The following VAC14 variants were observed in gnomAD, a reference collection of about 807,000 sequenced individuals.
VAC14 encodes the protein protein VAC14 homolog.
In VAC14, 47 loss-of-function variants were observed where a neutral mutation model predicts 85.3. The observed-to-expected ratio is 0.55, with a 90% CI of 0.44 to 0.70. VAC14 has a LOEUF of 0.70. Ranked by LOEUF, VAC14 falls within the 30% of genes least tolerant of loss-of-function variation. The pLI, the probability that VAC14 is intolerant of heterozygous loss-of-function variation, is 0.00. For missense variants in VAC14, 861 were observed against 1,004.3 expected, an observed-to-expected ratio of 0.86 and a Z score of 1.93; for synonymous variants, 447 against 430.5, an observed-to-expected ratio of 1.04 and a Z score of -0.47.
At chr16:70,791,847 G>C (rs2034353888) in intron 1 of VAC14, among the ~76,000 whole-genome samples, 1 of 152,142 alleles carries the variant, frequency 6.6e-6, no homozygotes, top group Non-Finnish European at 1.5e-5. Flanking sequence ...GGAAAACCTG[G>C]GCAAGACCCC....
At chr16:70,797,004 G>A (rs1200282494) in intron 1 of VAC14, among the ~76,000 whole-genome samples, 1 of 152,138 alleles carries the variant, frequency 6.6e-6, no homozygotes, top group Non-Finnish European at 1.5e-5. Context: ...GCAGTGGGAG[G>A]ATTGTTTCAG....
chr16:70,723,149 G>C (rs201781536), intron 14 of VAC14, among the ~76,000 whole-genome samples: 1 of 152,084 alleles, frequency 6.6e-6, no homozygotes, highest in Non-Finnish European at 1.5e-5. Flanking sequence ...TTGAACCCGG[G>C]GGGTGGAGGT....
At chr16:70,750,866 C>T (rs998445517) in intron 12 of VAC14, among the ~76,000 whole-genome samples, 7 of 152,062 alleles carry the variant, frequency 4.6e-5, no homozygotes, top group Admixed American at 1.3e-4. Context: ...CCCAGGGTGC[C>T]GCGGCAGCTC....
intron 1 of VAC14, among the ~76,000 whole-genome samples, chr16:70,800,076 T>G (rs2034705448): frequency 1.3e-5 from 2 of 152,074 alleles, no homozygotes; most frequent in Non-Finnish European, 2.9e-5. Context: ...CACTTGACTT[T>G]AACACTAAAA....
At chr16:70,705,611 GAA>G (rs1223196394) in intron 14 of VAC14, among the ~76,000 whole-genome samples, 2 of 152,188 alleles carry the variant, frequency 1.3e-5, no homozygotes, top group Non-Finnish European at 2.9e-5. Context: ...TCAAACCCTA[GAA>G]AGAGACAGCA....
chr16:70,783,345 T>A, intron 6 of VAC14, 100 bp downstream of exon 6: 2 of 1,249,664 alleles, frequency 1.6e-6, no homozygotes, highest in Non-Finnish European at 1.2e-6. Context: ...GAAGAGGTGA[T>A]TTCCTGCCCT....
At chr16:70,764,900 G>A (rs2032687646) in intron 10 of VAC14, among the ~76,000 whole-genome samples, 1 of 152,158 alleles carries the variant, frequency 6.6e-6, no homozygotes, top group South Asian at 2.1e-4. Flanking sequence ...CTTAGCTGAC[G>A]GCCAGCATTT....
chr16:70,760,163 G>A (rs922369665), intron 12 of VAC14, among the ~76,000 whole-genome samples: 1 of 152,172 alleles, frequency 6.6e-6, no homozygotes, highest in Non-Finnish European at 1.5e-5. Context: ...CATGAGTGAG[G>A]ACTTTGGTAG....
intron 18 of VAC14, chr16:70,689,199 T>G: frequency 1.0e-6 from 1 of 979,956 alleles, no homozygotes; most frequent in Non-Finnish European, 1.2e-6. Flanking sequence ...GAGGGCTACC[T>G]AAGGAGCGGC....
rs2034302399 is a variant in VAC14 at position 70,790,820 on chromosome 16, TC to T, written c.105-4456del. 2.0e-5 allele frequency among the ~76,000 whole-genome samples: 3 copies of T among 152,186 alleles called. No individual in the cohort carries two copies. In the South Asian group the frequency reaches 6.2e-4, roughly 32 times the overall value. On this transcript the variant is annotated intron_variant, in intron 1 of 18. Coordinates refer to ENST00000261776, the MANE Select transcript of VAC14 (RefSeq NM_018052.5). Reference sequence around the variant, plus strand: ...ATTCAGGCCCTGTGGCCCCAGGAACTCCAAGTTTCTACTGTTTCCGCCCCTG... The same window carrying T: ...ATTCAGGCCCTGTGGCCCCAGGAACTCAAGTTTCTACTGTTTCCGCCCCTG...
At chr16:70,745,215 C>A (rs543709091) in intron 12 of VAC14, 1 of 152,760 alleles carries the variant, frequency 6.5e-6, no homozygotes, top group South Asian at 2.1e-4. Flanking sequence ...AGGCCCCAGC[C>A]TGACCACCTG....
chr16:70,701,476 T>C (rs1239705827), intron 14 of VAC14, among the ~76,000 whole-genome samples: 1 of 152,126 alleles, frequency 6.6e-6, no homozygotes, highest in African/African-American at 2.4e-5. Flanking sequence ...CTGGGTCCAC[T>C]GGCACGTATG....
intron 12 of VAC14, among the ~76,000 whole-genome samples, chr16:70,746,811 G>C (rs556229096): frequency 6.6e-6 from 1 of 152,158 alleles, no homozygotes; most frequent in South Asian, 2.1e-4. Flanking sequence ...GCACACCAAT[G>C]CTTGCTGGAC....
chr16:70,737,009 C>T (rs1430177633), intron 13 of VAC14, among the ~76,000 whole-genome samples: 1 of 152,208 alleles, frequency 6.6e-6, no homozygotes, highest in East Asian at 1.9e-4. Flanking sequence ...CCCAGCCACT[C>T]TGTTGATCTG....
intron 9 of VAC14, among the ~76,000 whole-genome samples, chr16:70,779,712 A>T (rs1423663443): frequency 1.3e-5 from 2 of 152,258 alleles, no homozygotes; most frequent in African/African-American, 4.8e-5. Context: ...AAAGGAGGAC[A>T]TCAACCCAAA....
In VAC14 at chr16:70,771,819, G is replaced by C. The variant is rs902598413; in HGVS notation, c.1160+290C>G. Reference sequence around the variant, plus strand: ...TGGTCTTAAACTCCTGAGCTCAAGCGATGTGCCTGCCTTGGCCTCCCCAAG... The same window carrying C: ...TGGTCTTAAACTCCTGAGCTCAAGCCATGTGCCTGCCTTGGCCTCCCCAAG... On this transcript the variant is annotated intron_variant, in intron 10 of 18. Transcript: ENST00000261776. 10 of 335,084 alleles carry C rather than the reference G, an allele frequency of 3.0e-5. No homozygotes were observed. In the South Asian group the frequency reaches 3.7e-4, roughly 12 times the overall value. The allele number at this position is 335,084 out of a possible 1,614,324, so 20.8% of individuals were successfully genotyped here.
At chr16:70,689,864 T>G (rs2053566244) in intron 18 of VAC14, 1 of 985,404 alleles carries the variant, frequency 1.0e-6, no homozygotes, top group South Asian at 4.7e-5. Flanking sequence ...GAGAGCAGCT[T>G]GGACTTCTAA....
At chr16:70,726,697 C>T (rs1597891340) in intron 14 of VAC14, among the ~76,000 whole-genome samples, 1 of 152,292 alleles carries the variant, frequency 6.6e-6, no homozygotes, top group East Asian at 1.9e-4. Context: ...AGTGGGGGTA[C>T]AGCACCCCAC....
chr16:70,777,966 A>G (rs902537881), intron 9 of VAC14, among the ~76,000 whole-genome samples: 1 of 152,120 alleles, frequency 6.6e-6, no homozygotes, highest in African/African-American at 2.4e-5. Flanking sequence ...ACCTTGGTAA[A>G]AGACTGGTGA....
Sources: allele counts gnomAD v4.1 joint callset (sites outside exome capture counted in the v4.1 genomes callset), GRCh38; gene constraint gnomAD v4.1.1; transcripts MANE v1.5; gene names NCBI Gene and HGNC (gene_info 2026-07-23, HGNC 2026-07-21).